The following TENM4 variants were observed in gnomAD, a reference collection of about 807,000 sequenced individuals.
TENM4 encodes teneurin transmembrane protein 4, also known as teneurin-4.
A neutral mutation model predicts 243.3 loss-of-function variants in TENM4; 82 were observed. The observed-to-expected ratio is 0.34, with a 90% confidence interval of 0.28 to 0.40. The LOEUF (loss-of-function observed/expected upper bound fraction) is 0.40. Ranked by LOEUF, TENM4 falls within the 10% of genes least tolerant of loss-of-function variation. The pLI is 1.00. For missense variants in TENM4, 3,138 were observed against 3,673.3 expected (o/e 0.85, Z 3.77); for synonymous variants, 1,412 against 1,456.3 (o/e 0.97, Z 0.69).
intron 26 of TENM4, among the ~76,000 whole-genome samples, chr11:78,709,134 A>ATTT (rs372114866): frequency 3.2e-5 from 4 of 126,104 alleles, no homozygotes; most frequent in African/African-American, 9.4e-5. Flanking sequence ...TGCCTGGCTA[A>ATTT]TTTTTTTTTT....
rs1859539707 is a variant in TENM4, at chr11:78,717,183, T to C, written c.3821+3187A>G. 2.0e-5 allele frequency among the ~76,000 whole-genome samples: 3 copies of C among 152,230 alleles called. No homozygotes were observed. In the South Asian group the frequency reaches 6.2e-4, roughly 32 times the overall value. On this transcript the variant is annotated intron_variant, in intron 25 of 33. Coordinates refer to ENST00000278550, the MANE Select transcript of TENM4 (RefSeq NM_001098816.3). The stretch of plus-strand genomic sequence containing the variant: ...ATGTAAAATCAAGAGGCCTTCAGGG[T>C]ACCATTCCTGAAGTTAATGAGCTGA...
At chr11:78,780,201 C>T (rs190665101) in intron 16 of TENM4, among the ~76,000 whole-genome samples, 1 of 152,198 alleles carries the variant, frequency 6.6e-6, no homozygotes, top group Non-Finnish European at 1.5e-5. Flanking sequence ...GGACAGCCCA[C>T]ACGAAAAATG....
In TENM4 at chr11:78,771,179, G is replaced by C. The variant is rs1856639796; in HGVS notation, c.2393-41C>G. The C allele has an allele frequency of 1.9e-6, 3 of 1,551,474 alleles. No individual in the cohort carries two copies. The East Asian group carries it at 7.3e-5, about 38-fold the overall frequency. ...CAGGGTTGAGGTCTGATCACCCAGA[G>C]TCAACTGCCATCACACACACTAACA... On this transcript the variant is annotated intron_variant, in intron 17 of 33. Coordinates refer to ENST00000278550, the MANE Select transcript of TENM4 (RefSeq NM_001098816.3).
intron 1 of TENM4, among the ~76,000 whole-genome samples, chr11:79,323,416 A>G (rs1245621298): frequency 1.3e-5 from 2 of 152,192 alleles, no homozygotes; most frequent in African/African-American, 4.8e-5. Flanking sequence ...CTAGCTACAT[A>G]TCTGGTGATA....
Position 78,712,718 on chromosome 11 carries a change from G to T in TENM4, c.3822-4C>A, listed in dbSNP as rs202080580. 6 of 1,612,460 alleles carry T rather than the reference G, an allele frequency of 3.7e-6. No homozygotes were observed. The highest frequency in any genetic ancestry group is 4.2e-6 in the Non-Finnish European group (5 of 1,178,538). Reference sequence around the variant, plus strand: ...GTATTTGTGTGCTGGACTGTGACTAGAAAACAAAGACATGGCCAACTGGTG... The same window carrying T: ...GTATTTGTGTGCTGGACTGTGACTATAAAACAAAGACATGGCCAACTGGTG... On this transcript the variant is annotated splice_polypyrimidine_tract_variant and splice_region_variant and intron_variant, in intron 25 of 33. Transcript: ENST00000278550.
At chr11:79,009,543 G>C (rs1381675766) in intron 6 of TENM4, among the ~76,000 whole-genome samples, 1 of 152,146 alleles carries the variant, frequency 6.6e-6, no homozygotes, top group African/African-American at 2.4e-5. Context: ...CCCAACACCT[G>C]AGATTCAGGT....
chr11:79,124,781 A>G (rs995074192), intron 4 of TENM4, among the ~76,000 whole-genome samples: 2 of 145,278 alleles, frequency 1.4e-5, no homozygotes, highest in African/African-American at 2.5e-5. Context: ...ATACACATAT[A>G]TATGTGTATA....
intron 9 of TENM4, among the ~76,000 whole-genome samples, chr11:78,881,734 G>A (rs1231349890): frequency 6.6e-6 from 1 of 152,192 alleles, no homozygotes; most frequent in East Asian, 1.9e-4. Flanking sequence ...TCATGGGGAG[G>A]CTCTGCAAAC....
intron 28 of TENM4, among the ~76,000 whole-genome samples, chr11:78,699,052 A>T (rs938590319): frequency 2.6e-5 from 4 of 152,158 alleles, no homozygotes; most frequent in African/African-American, 9.7e-5. Context: ...GTTTACTTGC[A>T]GTTGCTCCTG....
At chr11:78,735,043 C>T (rs1855755989) in intron 20 of TENM4, among the ~76,000 whole-genome samples, 1 of 152,236 alleles carries the variant, frequency 6.6e-6, no homozygotes, top group Admixed American at 6.5e-5. Flanking sequence ...CCCATTGCTG[C>T]AGCTTGCTCT....
At chr11:79,409,211 AAAG>A (rs1446276119) in intron 1 of TENM4, among the ~76,000 whole-genome samples, 1 of 151,896 alleles carries the variant, frequency 6.6e-6, no homozygotes, top group Non-Finnish European at 1.5e-5. Flanking sequence ...AAAAAAAAAA[AAAG>A]ATTATACTAA....
intron 19 of TENM4, among the ~76,000 whole-genome samples, chr11:78,746,626 T>C (rs1478291219): frequency 1.3e-5 from 2 of 152,178 alleles, no homozygotes; most frequent in East Asian, 3.8e-4. Context: ...CCATCGACTA[T>C]GGTGAGGGAG....
chr11:79,026,892 C>G (rs556744910), intron 6 of TENM4, among the ~76,000 whole-genome samples: 1 of 152,192 alleles, frequency 6.6e-6, no homozygotes, highest in East Asian at 1.9e-4. Flanking sequence ...TCCAAACAAC[C>G]CTGTGCAAAG....
Position 79,288,254 on chromosome 11 carries a change from G to C in TENM4, c.-265+9234C>G, listed in dbSNP as rs566982139. ...TCTCCCCAACCCTTAGACCCTGACT[G>C]TGAGTTTGTGATCCCAAAGTCTCCT... is the stretch of plus-strand genomic sequence containing the variant. On this transcript the variant is annotated intron_variant, in intron 2 of 33. Transcript: ENST00000278550. Among the ~76,000 whole-genome samples, 9 of 152,336 alleles carry C rather than the reference G, an allele frequency of 5.9e-5. No homozygotes were observed. In the East Asian group the frequency reaches 1.7e-3, roughly 29 times the overall value.
At chr11:79,084,281 T>C (rs1484359436) in intron 4 of TENM4, among the ~76,000 whole-genome samples, 1 of 152,176 alleles carries the variant, frequency 6.6e-6, no homozygotes, top group Non-Finnish European at 1.5e-5. Flanking sequence ...AATATAAAAG[T>C]GTACAGCCCC....
rs1858029773 is a variant in TENM4 at position 78,661,501 on chromosome 11, G to A, written c.7499C>T (p.Ser2500Phe). ...PKPDMDAMEP[S>F]YELIHTQMKT... ...CATCTGTGTGTGGATGAGCTCGTAG[G>A]AGGGTTCCATGGCATCCATGTCTGG... is the stretch of plus-strand genomic sequence containing the variant. The change falls in exon 33 of 34, where the codon TCC becomes TTC. Residue 2500 changes from serine to phenylalanine, a missense_variant. Transcript: ENST00000278550. 6.2e-7 allele frequency: 1 copy of A among 1,612,182 alleles called. No individual in the cohort carries two copies. The highest frequency in any genetic ancestry group is 1.1e-5 in the South Asian group (1 of 90,380).
intron 4 of TENM4, among the ~76,000 whole-genome samples, chr11:79,111,413 C>T (rs113325992): frequency 6.6e-4 from 101 of 152,104 alleles, no homozygotes; most frequent in Middle Eastern, 3.4e-3. Context: ...GGCATGATGG[C>T]GGGCACCTGT....
chr11:78,660,280 C>T (rs906099043), intron 33 of TENM4, among the ~76,000 whole-genome samples: 1 of 152,292 alleles, frequency 6.6e-6, no homozygotes, highest in East Asian at 1.9e-4. Context: ...ACCCTGGTCC[C>T]CTCACCTGTA....
chr11:79,349,559 G>C (rs1857381662), intron 1 of TENM4, among the ~76,000 whole-genome samples: 2 of 152,160 alleles, frequency 1.3e-5, no homozygotes, highest in South Asian at 4.1e-4. Context: ...CCAGGTGCCA[G>C]AGGTTTTGCA....
Sources: allele counts gnomAD v4.1 joint callset (sites outside exome capture counted in the v4.1 genomes callset), GRCh38; gene constraint gnomAD v4.1.1; transcripts MANE v1.5; gene names NCBI Gene and HGNC (gene_info 2026-07-23, HGNC 2026-07-21).